Variants in USP39 observed in about 807,000 individuals in gnomAD.
The protein encoded by USP39 is ubiquitin specific peptidase 39.
USP39 carries 38 observed loss-of-function variants against 66.4 expected under a neutral mutation model. That is an observed-to-expected ratio of 0.57 (90% CI 0.44 to 0.75). USP39 has a LOEUF of 0.75. USP39 is among the 30% of genes least tolerant of loss of function. The pLI, the probability that USP39 is intolerant of heterozygous loss-of-function variation, is 0.00. For synonymous variants in USP39, 303 were observed against 274.6 expected (o/e 1.10, Z -1.02); for missense variants, 608 against 714.4 (o/e 0.85, Z 1.70).
At chr2:85,605,997 C>T (rs1428102657) in intron 1 of USP39, among the ~76,000 whole-genome samples, 2 of 152,216 alleles carry the variant, frequency 1.3e-5, no homozygotes, top group Non-Finnish European at 2.9e-5. Flanking sequence ...AACTCAAGCT[C>T]TAGTGTTTAC....
At chr2:85,608,862 C>T (rs971980144), upstream of USP39, 17 of 1,569,310 alleles carry the variant, frequency 1.1e-5, no homozygotes, top group Middle Eastern at 1.0e-3. Context: ...ACAAACTGGT[C>T]CTGGTACCCC....
intron 6 of USP39, among the ~76,000 whole-genome samples, chr2:85,632,002 A>G (rs547504675): frequency 3.3e-5 from 5 of 152,138 alleles, no homozygotes; most frequent in Non-Finnish European, 5.9e-5. Context: ...TCGGCCTCCC[A>G]AAGTGTTGGG....
chr2:85,642,962 C>T (rs901945516), intron 10 of USP39, among the ~76,000 whole-genome samples: 55 of 151,602 alleles, frequency 3.6e-4, no homozygotes, highest in African/African-American at 1.3e-3. Context: ...TTAGGCTGGG[C>T]GCAGTGGCTC....
intron 1 of USP39, among the ~76,000 whole-genome samples, chr2:85,605,840 T>C (rs535230604): frequency 3.4e-4 from 52 of 152,352 alleles, no homozygotes; most frequent in African/African-American, 1.2e-3. Context: ...ACCATGGAGA[T>C]GGAATGTCCC....
chr2:85,648,926 T>G lies in USP39; in HGVS notation c.*118T>G. 1.3e-5 allele frequency: 16 copies of G among 1,233,324 alleles called. No homozygotes were observed. Among genetic ancestry groups the G allele is most frequent in the Non-Finnish European group, 1.9e-5 (16 of 851,304 alleles). 76.4% of individuals were successfully genotyped at this position (1,233,324 alleles called of 1,614,324 possible). On this transcript the variant is annotated 3_prime_UTR_variant, in exon 13 of 13. Coordinates refer to ENST00000323701, the MANE Select transcript of USP39 (RefSeq NM_006590.4). ...GCTTCCTAGGCCAGCCCAGCTTGTA[T>G]GGGTTCTGGCTACACCAGAGCACCA... is the stretch of plus-strand genomic sequence containing the variant.
intron 10 of USP39, among the ~76,000 whole-genome samples, chr2:85,644,362 T>C (rs548446642): frequency 4.6e-5 from 7 of 152,284 alleles, no homozygotes; most frequent in African/African-American, 1.4e-4. Flanking sequence ...TTTCCTAAAA[T>C]TATGTATTTA....
chr2:85,646,758 G>T (rs1002067544), intron 11 of USP39, among the ~76,000 whole-genome samples: 1 of 151,958 alleles, frequency 6.6e-6, no homozygotes, highest in Non-Finnish European at 1.5e-5. Flanking sequence ...TTTTTTCCTT[G>T]TTCATGGAAG....
At chr2:85,616,547 C>A (rs1472420899) in intron 1 of USP39, 84 bp downstream of exon 1, 21 of 679,312 alleles carry the variant, frequency 3.1e-5, no homozygotes, top group African/African-American at 2.3e-4. Flanking sequence ...CGCTAGGTCA[C>A]TGCGCCGGAG....
At chr2:85,625,767 C>T in intron 5 of USP39, 76 bp downstream of exon 5, 2 of 1,547,130 alleles carry the variant, frequency 1.3e-6, no homozygotes, top group Middle Eastern at 1.7e-4. Flanking sequence ...CCCTGTAATC[C>T]CAGCACTTTG....
At chr2:85,616,148 C>G (rs1048185091), upstream of USP39, 10 of 1,401,196 alleles carry the variant, frequency 7.1e-6, no homozygotes, top group Non-Finnish European at 8.4e-6. Context: ...GTGCCGCGCG[C>G]TCGAGCGTGC....
rs756512545 is a variant in USP39 at position 85,639,248 on chromosome 2, G to C, written c.1141G>C (p.Glu381Gln). 8 of 1,613,814 alleles carry C rather than the reference G, an allele frequency of 5.0e-6. No homozygotes were observed. In the South Asian group the frequency reaches 8.8e-5, roughly 18 times the overall value. Residue 381 changes from glutamate (E) to glutamine (Q), a missense_variant, in exon 9 of 13, where the codon GAG becomes CAG. Glu to Gln is a conservative substitution (Grantham distance 29). Transcript: ENST00000323701. ...GTTGCTCCATAATGACGAGTACCAG[G>C]AGACAATGGTGGAGTCCACTTTTAT... ...EQLLHNDEYQ[E>Q]TMVESTFMYL...
chr2:85,609,107 C>T (rs555272397), upstream of USP39: 228 of 1,607,082 alleles, frequency 1.4e-4, 2 homozygotes, highest in South Asian at 2.4e-3. Context: ...GGCCTGGCCT[C>T]TTCCAGAAAG....
At chr2:85,628,121 C>T (rs900648147) in intron 5 of USP39, among the ~76,000 whole-genome samples, 1 of 151,956 alleles carries the variant, frequency 6.6e-6, no homozygotes, top group Non-Finnish European at 1.5e-5. Context: ...CAGATCGTTC[C>T]TCTTAAATCC....
chr2:85,648,863 A>G lies in USP39; in HGVS notation c.*55A>G. The stretch of plus-strand genomic sequence containing the variant: ...GCTGTGGCTGATGATGGTAAATAAG[A>G]ACACAGAAGCTGTAGCTGAACACAG... On this transcript the variant is annotated 3_prime_UTR_variant, in exon 13 of 13. Transcript: ENST00000323701. The G allele has an allele frequency of 6.2e-7, 1 of 1,604,498 alleles. No homozygotes were observed. The highest frequency in any genetic ancestry group is 8.5e-7 in the Non-Finnish European group (1 of 1,172,772).
intron 10 of USP39, among the ~76,000 whole-genome samples, chr2:85,644,292 T>A (rs532525368): frequency 1.6e-4 from 24 of 152,328 alleles, no homozygotes; most frequent in South Asian, 4.1e-4. Context: ...TCTTTTTTTT[T>A]ATTTTACCTT....
At chr2:85,640,430 A>G (rs1676139190) in intron 9 of USP39, among the ~76,000 whole-genome samples, 1 of 151,590 alleles carries the variant, frequency 6.6e-6, no homozygotes, top group Non-Finnish European at 1.5e-5. Context: ...CTGGGACTAC[A>G]GGTACATGCC....
At chr2:85,635,907 A>G in intron 6 of USP39, 146 bp from the exon 7 acceptor site, 1 of 731,428 alleles carries the variant, frequency 1.4e-6, no homozygotes, top group Non-Finnish European at 2.4e-6. Context: ...ATTTAATGAT[A>G]AGATAGAGGA....
chr2:85,617,428 G>GC (rs1321444097), intron 1 of USP39, among the ~76,000 whole-genome samples: 2 of 152,150 alleles, frequency 1.3e-5, no homozygotes, highest in African/African-American at 4.8e-5. Flanking sequence ...TGCGACCATT[G>GC]CCTGACTGCC....
upstream of USP39, among the ~76,000 whole-genome samples, chr2:85,614,909 C>T (rs1673806898): frequency 2.0e-5 from 3 of 152,110 alleles, no homozygotes; most frequent in Admixed American, 2.0e-4. Context: ...AACCCTCACT[C>T]AAGATGGAGT....
Sources: gnomAD v4.1 joint callset for allele counts (sites outside exome capture counted in the v4.1 genomes callset) on GRCh38, gnomAD v4.1.1 for gene constraint, MANE v1.5 for transcripts, NCBI Gene and HGNC (gene_info 2026-07-23, HGNC 2026-07-21) for gene names.